Variants in CPS1 observed in about 807,000 individuals in gnomAD.
The protein encoded by CPS1 is carbamoyl-phosphate synthase 1.
A neutral mutation model predicts 174.6 loss-of-function variants in CPS1; 109 were observed. That is an observed-to-expected ratio of 0.62 (90% CI 0.53 to 0.73). CPS1 has a LOEUF of 0.73. Among genes scored for constraint, CPS1 ranks in the 30% least tolerant of loss-of-function variants. The pLI is 0.00. For synonymous variants in CPS1, 637 were observed against 632.0 expected (o/e 1.01, Z -0.12); for missense variants, 1,689 against 1,821.9 (o/e 0.93, Z 1.33).
intron 1 of CPS1, among the ~76,000 whole-genome samples, chr2:210,488,208 GA>G (rs985571236): frequency 1.3e-5 from 2 of 149,612 alleles, no homozygotes; most frequent in African/African-American, 4.9e-5. Context: ...AAGGTTAGAA[GA>G]AAAAAAAAGA....
Position 210,556,849 on chromosome 2 carries a change from T to A in CPS1, c.116T>A (p.Leu39His), listed in dbSNP as rs1422483042. 1 of 1,613,000 alleles carries A rather than the reference T, an allele frequency of 6.2e-7. No individual in the cohort carries two copies. Among genetic ancestry groups the A allele is most frequent in the Non-Finnish European group, 8.5e-7 (1 of 1,179,228 alleles). ...WKFSRPGIRL[L>H]SVKAQTAHIV... ...TTTTCAAGACCTGGCATCAGGCTCC[T>A]TTCTGTCAAGGTAATACCCATATTG... Residue 39 changes from leucine to histidine, a missense_variant, in exon 1 of 38, where the codon CTT becomes CAT. Coordinates refer to ENST00000233072, the MANE Select transcript of CPS1 (RefSeq NM_001875.5).
At chr2:210,553,608 A>G (rs1197607229), upstream of CPS1, among the ~76,000 whole-genome samples, 1 of 152,142 alleles carries the variant, frequency 6.6e-6, no homozygotes, top group South Asian at 2.1e-4. Context: ...GCCTGCATTC[A>G]TGCCTGTCAC....
intron 1 of CPS1, among the ~76,000 whole-genome samples, chr2:210,507,827 A>C (rs1013281209): frequency 6.6e-6 from 1 of 152,204 alleles, no homozygotes; most frequent in African/African-American, 2.4e-5. Context: ...AGAAGAGCTA[A>C]CTATCCTAAA....
chr2:210,577,601 C>T, intron 4 of CPS1, 91 bp downstream of exon 4: 1 of 951,892 alleles, frequency 1.1e-6, no homozygotes, highest in Middle Eastern at 2.1e-4. Context: ...AGAGGAAGAT[C>T]ATGTAGTTTG....
chr2:210,635,099 A>G (rs1441847792), intron 21 of CPS1, among the ~76,000 whole-genome samples: 6 of 152,026 alleles, frequency 3.9e-5, no homozygotes, highest in Non-Finnish European at 7.4e-5. Context: ...ACCTGCCACT[A>G]TGCCCAGCTA....
At chr2:210,599,869 A>G (rs12996727) in intron 14 of CPS1, among the ~76,000 whole-genome samples, 1 of 152,038 alleles carries the variant, frequency 6.6e-6, no homozygotes, top group Non-Finnish European at 1.5e-5. Context: ...GGTCTTGAGA[A>G]CTATTATGAA....
chr2:210,500,636 C>A (rs1281533263), intron 1 of CPS1, among the ~76,000 whole-genome samples: 1 of 152,224 alleles, frequency 6.6e-6, no homozygotes, highest in Non-Finnish European at 1.5e-5. Context: ...CACACTGATG[C>A]AAGAGGAAGG....
intron 1 of CPS1, among the ~76,000 whole-genome samples, chr2:210,494,106 G>A (rs1694932505): frequency 1.3e-5 from 2 of 152,268 alleles, no homozygotes; most frequent in Middle Eastern, 6.8e-3. Context: ...AGAAGTGAAG[G>A]TAGCTTGGCA....
At chr2:210,650,154 A>G (rs749193574) in intron 27 of CPS1, among the ~76,000 whole-genome samples, 7 of 152,138 alleles carry the variant, frequency 4.6e-5, no homozygotes. Flanking sequence ...GACCCCCTAC[A>G]CTTTACCTTC....
Position 210,588,127 on chromosome 2 carries a change from G to A in CPS1, c.691G>A (p.Val231Ile). ...TGTAGACTGTGGGATTAAAAACAATGTAATCCGCCTGCTAGTAAAGGTAAG... is the reference window on the plus strand; with the variant it reads ...TGTAGACTGTGGGATTAAAAACAATATAATCCGCCTGCTAGTAAAGGTAAG... ...VAVDCGIKNNVIRLLVKRGAE... is the reference protein window; with the variant it reads ...VAVDCGIKNNIIRLLVKRGAE... The change falls in exon 7 of 38, where the codon GTA becomes ATA. Residue 231 changes from valine to isoleucine, a missense_variant. By Grantham distance (29) the Val-to-Ile change is conservative (BLOSUM62 3). Transcript: ENST00000233072. The A allele has an allele frequency of 6.2e-7, 1 of 1,612,666 alleles. No homozygotes were observed. Among genetic ancestry groups the A allele is most frequent in the Non-Finnish European group, 8.5e-7 (1 of 1,179,002 alleles).
intron 11 of CPS1, 78 bp from the exon 12 acceptor site, chr2:210,594,430 T>C (rs2106116105): frequency 1.1e-6 from 1 of 949,798 alleles, no homozygotes; most frequent in South Asian, 1.4e-5. Context: ...AGTTCAAATT[T>C]AACTGGGTAT....
intron 1 of CPS1, among the ~76,000 whole-genome samples, chr2:210,538,821 T>TTACTGAGCAGTAAC (rs1466070551): frequency 1.3e-5 from 2 of 152,124 alleles, no homozygotes; most frequent in Non-Finnish European, 2.9e-5. Flanking sequence ...ATGAGCAGTG[T>TTACTGAGCAGTAAC]ATTGCTTTGT....
At chr2:210,617,561 CAAACTAGGT>C in intron 21 of CPS1, 1 of 152,096 alleles carries the variant, frequency 6.6e-6, no homozygotes, top group African/African-American at 2.4e-5. Flanking sequence ...AATATGTGTA[CAAACTAGGT>C]AATAAAACAC....
chr2:210,497,245 A>G (rs566104212), intron 1 of CPS1, among the ~76,000 whole-genome samples: 3 of 152,210 alleles, frequency 2.0e-5, no homozygotes, highest in Non-Finnish European at 4.4e-5. Flanking sequence ...AGAAGAATTT[A>G]TCCTTATATC....
chr2:210,601,092 T>A (rs1698709153), intron 15 of CPS1, among the ~76,000 whole-genome samples: 2 of 151,888 alleles, frequency 1.3e-5, no homozygotes, highest in Admixed American at 1.3e-4. Flanking sequence ...AATGAGAAAT[T>A]TGCTTTAAAT....
chr2:210,533,051 G>C (rs1246337693), intron 1 of CPS1, among the ~76,000 whole-genome samples: 2 of 152,132 alleles, frequency 1.3e-5, no homozygotes, highest in East Asian at 1.9e-4. Context: ...GAGCAACGGT[G>C]AGCGGGGAGG....
intron 33 of CPS1, among the ~76,000 whole-genome samples, chr2:210,666,460 G>A (rs1701100701): frequency 6.6e-6 from 1 of 151,824 alleles, no homozygotes; most frequent in African/African-American, 2.4e-5. Flanking sequence ...ATGGTTTTAG[G>A]TCTAACGTTT....
intron 1 of CPS1, among the ~76,000 whole-genome samples, chr2:210,491,231 G>C (rs1694865443): frequency 6.7e-6 from 1 of 149,956 alleles, no homozygotes; most frequent in Non-Finnish European, 1.5e-5. Context: ...TGCCTGTGTT[G>C]AGTTCCTGCA....
intron 13 of CPS1, among the ~76,000 whole-genome samples, chr2:210,595,806 T>G (rs958012232): frequency 6.6e-6 from 1 of 151,954 alleles, no homozygotes; most frequent in Non-Finnish European, 1.5e-5. Context: ...ATCTCCAAAA[T>G]TATTTAGGTT....
Sources: allele counts gnomAD v4.1 joint callset (sites outside exome capture counted in the v4.1 genomes callset), GRCh38; gene constraint gnomAD v4.1.1; transcripts MANE v1.5; gene names NCBI Gene and HGNC (gene_info 2026-07-23, HGNC 2026-07-21).